DLC1: variants seen among roughly 807,000 people sequenced by gnomAD.
DLC1 encodes rho GTPase-activating protein 7.
Under a neutral mutation model 140.3 loss-of-function variants are expected in DLC1, and 54 were observed. The ratio of observed to expected loss-of-function variants is 0.38; its 90% CI spans 0.31 to 0.48. The LOEUF is 0.48. Among genes scored for constraint, DLC1 ranks in the 20% least tolerant of loss-of-function variants. The pLI is 0.96. For missense variants in DLC1, 2,536 were observed against 1,907.0 expected (o/e 1.33, Z -6.14); for synonymous variants, 986 against 728.1 (o/e 1.35, Z -5.70).
chr8:13,146,389 G>T (rs763124428), intron 5 of DLC1, among the ~76,000 whole-genome samples: 2 of 151,302 alleles, frequency 1.3e-5, no homozygotes, highest in Non-Finnish European at 2.9e-5. Flanking sequence ...ACCCTCTATT[G>T]TAGTGTTATT....
chr8:13,146,274 CAAA>C (rs35639452), intron 5 of DLC1, among the ~76,000 whole-genome samples: 71 of 139,404 alleles, frequency 5.1e-4, no homozygotes, highest in Admixed American at 5.1e-4. Flanking sequence ...GACTCCATCT[CAAA>C]AAAAAAAAAA....
At chr8:13,395,385 G>A (rs988419194) in intron 3 of DLC1, among the ~76,000 whole-genome samples, 1 of 152,102 alleles carries the variant, frequency 6.6e-6, no homozygotes, top group Non-Finnish European at 1.5e-5. Context: ...CCTCCCAAAA[G>A]CTGGGATTGC....
chr8:13,156,569 A>C (rs996884566), intron 5 of DLC1, among the ~76,000 whole-genome samples: 2 of 152,186 alleles, frequency 1.3e-5, no homozygotes, highest in African/African-American at 4.8e-5. Context: ...CGGGCTGCGC[A>C]TGCACACACT....
rs557686803 is a variant in DLC1 at position 13,418,726 on chromosome 8, T to C, written c.1024-17107A>G. ...TTTTTTGGTTCCATATGAACTTTAA[T>C]GTAGTTTTTTCCAATTTTGTGAAGA... is the stretch of plus-strand genomic sequence containing the variant. On this transcript the variant is annotated intron_variant, in intron 2 of 17. Transcript: ENST00000276297. Among the ~76,000 whole-genome samples the C allele has an allele frequency of 1.2e-4, 18 of 152,218 alleles. No individual in the cohort carries two copies. The East Asian group carries it at 3.3e-3, about 28-fold the overall frequency.
intron 4 of DLC1, among the ~76,000 whole-genome samples, chr8:13,327,558 A>G (rs1416087486): frequency 6.6e-6 from 1 of 151,756 alleles, no homozygotes; most frequent in Non-Finnish European, 1.5e-5. Context: ...GGGTTCAAGC[A>G]ATCCTCCTGT....
At chr8:13,459,891 G>T (rs7818084) in intron 2 of DLC1, among the ~76,000 whole-genome samples, 3,566 of 152,256 alleles carry the variant, frequency 0.023, 62 homozygotes, top group Middle Eastern at 0.041. Flanking sequence ...TGAGTAGGAG[G>T]GTGGCCTGGT....
At chr8:13,303,767 G>A (rs916625863) in intron 5 of DLC1, among the ~76,000 whole-genome samples, 41 of 151,984 alleles carry the variant, frequency 2.7e-4, no homozygotes, top group African/African-American at 9.7e-4. Flanking sequence ...ACACCACTGT[G>A]CTCCAGCCTG....
chr8:13,587,655 T>C (rs1025747661), intron 1 of DLC1, among the ~76,000 whole-genome samples: 1 of 149,992 alleles, frequency 6.7e-6, no homozygotes, highest in Non-Finnish European at 1.5e-5. Flanking sequence ...TATGTTTATA[T>C]AGGCGATGTT....
chr8:13,547,680 T>A (rs1014315386), intron 1 of DLC1, among the ~76,000 whole-genome samples: 1 of 152,114 alleles, frequency 6.6e-6, no homozygotes, highest in African/African-American at 2.4e-5. Flanking sequence ...AACATCATTT[T>A]ATCTAGCTAT....
At chr8:13,581,170 A>C (rs1368229111) in intron 1 of DLC1, among the ~76,000 whole-genome samples, 1 of 152,236 alleles carries the variant, frequency 6.6e-6, no homozygotes, top group Non-Finnish European at 1.5e-5. Flanking sequence ...TCAGGGTCAA[A>C]TTTTATGCCT....
At chr8:13,439,898 A>T (rs1002570974) in intron 2 of DLC1, among the ~76,000 whole-genome samples, 3 of 151,614 alleles carry the variant, frequency 2.0e-5, no homozygotes, top group African/African-American at 4.8e-5. Flanking sequence ...CAGAAGTGAA[A>T]TTTTTTTTTC....
At position 13,453,470 on chromosome 8, in the gene DLC1, A is replaced by G. The variant is rs1485016100; in HGVS notation, c.1023+45579T>C. On this transcript the variant is annotated intron_variant, in intron 2 of 17. Transcript: ENST00000276297. ...TATACATATATATATGTATATATAT[A>G]CATATATATGTATATATATACATAT... Among the ~76,000 whole-genome samples the G allele has an allele frequency of 6.6e-4, 18 of 27,456 alleles. 3 individuals are homozygous for G. The highest frequency in any genetic ancestry group is 9.6e-4 in the Non-Finnish European group (16 of 16,676). 18.0% of individuals were successfully genotyped at this position (27,456 alleles called of 152,430 possible). A position where few individuals can be genotyped will look rare whatever the true frequency, so the allele number is the denominator to read the frequency against.
intron 2 of DLC1, among the ~76,000 whole-genome samples, chr8:13,451,145 G>GA (rs1372310508): frequency 2.7e-5 from 4 of 146,590 alleles, no homozygotes; most frequent in Non-Finnish European, 6.0e-5. Context: ...AAATATGTTT[G>GA]AAAAAACAAA....
At chr8:13,315,038 C>T (rs1832813412) in intron 4 of DLC1, among the ~76,000 whole-genome samples, 1 of 152,176 alleles carries the variant, frequency 6.6e-6, no homozygotes, top group Non-Finnish European at 1.5e-5. Context: ...TGAAACTCAT[C>T]ACTTCAGGCC....
At chr8:13,406,240 G>A (rs1837557343) in intron 2 of DLC1, among the ~76,000 whole-genome samples, 1 of 136,052 alleles carries the variant, frequency 7.4e-6, no homozygotes, top group Admixed American at 7.8e-5. Context: ...GGCTGGTCTT[G>A]AACTCCTGAC....
chr8:13,097,972 C>T lies in DLC1; in HGVS notation c.3167+427G>A, dbSNP rs116661120. 9.3e-3 allele frequency among the ~76,000 whole-genome samples: 1,405 copies of T among 150,432 alleles called. 24 individuals carry two copies. Among genetic ancestry groups the T allele is most frequent in the African/African-American group, 0.033 (1,335 of 40,746 alleles). On this transcript the variant is annotated intron_variant, in intron 10 of 17. Transcript: ENST00000276297. ...GCCGAGGCAGGTGGATCTCTTGAGC[C>T]CAGGAATTCCAGACCAGCCTAGTTA...
chr8:13,567,275 A>C, intron 1 of DLC1: 7 of 1,551,624 alleles, frequency 4.5e-6, no homozygotes, highest in Non-Finnish European at 6.1e-6. Flanking sequence ...AAGCTCAAAG[A>C]CTCTAACTTT....
chr8:13,301,739 G>T (rs1391464408), intron 5 of DLC1, among the ~76,000 whole-genome samples: 1 of 152,170 alleles, frequency 6.6e-6, no homozygotes, highest in Non-Finnish European at 1.5e-5. Flanking sequence ...ATGGGCGGTG[G>T]GCAAGCGAAC....
chr8:13,403,245 A>G (rs1328694262), intron 2 of DLC1, among the ~76,000 whole-genome samples: 2 of 152,186 alleles, frequency 1.3e-5, no homozygotes, highest in South Asian at 2.1e-4. Context: ...ATCATAAACT[A>G]TTCTTATAAA....
Sources: allele counts gnomAD v4.1 joint callset (sites outside exome capture counted in the v4.1 genomes callset), GRCh38; gene constraint gnomAD v4.1.1; transcripts MANE v1.5; gene names NCBI Gene and HGNC (gene_info 2026-07-23, HGNC 2026-07-21).